The following ASB15 variants were observed in gnomAD, a reference collection of about 807,000 sequenced individuals.
ASB15 encodes ankyrin repeat and SOCS box protein 15.
In ASB15, 54 loss-of-function variants were observed where a neutral mutation model predicts 58.0. The observed-to-expected ratio is 0.93, with a 90% CI of 0.75 to 1.17. The LOEUF is 1.17. Ranked by LOEUF, ASB15 falls within the 50% of genes most tolerant of loss-of-function variation. The probability of loss-of-function intolerance (pLI) is 0.00; values close to 1 mark genes in which losing one functional copy is unlikely to be tolerated. For synonymous variants in ASB15, 249 were observed against 262.4 expected, an observed-to-expected ratio of 0.95 and a Z score of 0.50; for missense variants, 680 against 707.4, an observed-to-expected ratio of 0.96 and a Z score of 0.44.
In ASB15 at chr7:123,614,586, C is replaced by G; in HGVS notation, c.84C>G (p.Ser28Arg). 6.2e-7 allele frequency: 1 copy of G among 1,606,028 alleles called. No homozygotes were observed. The highest frequency in any genetic ancestry group is 8.5e-7 in the Non-Finnish European group (1 of 1,173,150). ...QLSIQESIEA[S>R]KTALCPERFV... is the part of the protein sequence containing the mutation. ...GTATTCAAGAATCCATTGAAGCCAG[C>G]AAGACTGCACTTTGTCCTGAAAGGT... is the stretch of plus-strand genomic sequence containing the variant. The change falls in exon 4 of 12, where the codon AGC becomes AGG. Residue 28 changes from serine (S) to arginine (R), a missense_variant. By Grantham distance (110) the Ser-to-Arg change is moderately radical. Coordinates refer to ENST00000451215, the MANE Select transcript of ASB15 (RefSeq NM_001290258.2).
rs762741345 is a variant in ASB15 at position 123,629,278 on chromosome 7, C to A, written c.1284C>A (p.Asp428Glu). ...GTGTCATTCAATATGCTCTAAACGA[C>A]GAGGTAATGCTGAGGCTATTGCTGA... is the stretch of plus-strand genomic sequence containing the variant. ...FPSVIQYALN[D>E]EVMLRLLLNN... is the part of the protein sequence containing the mutation. The change falls in exon 10 of 12, where the codon GAC becomes GAA. Residue 428 changes from aspartate to glutamate, a missense_variant. Asp to Glu is a conservative substitution (Grantham distance 45). Transcript: ENST00000451215. The A allele has an allele frequency of 6.2e-7, 1 of 1,614,054 alleles. No homozygotes were observed. Among genetic ancestry groups the A allele is most frequent in the Non-Finnish European group, 8.5e-7 (1 of 1,179,986 alleles).
Position 123,617,561 on chromosome 7 carries a change from A to T in ASB15, c.293-18A>T. The T allele has an allele frequency of 6.3e-7, 1 of 1,590,196 alleles. No homozygotes were observed. The highest frequency in any genetic ancestry group is 1.1e-5 in the South Asian group (1 of 89,996). On this transcript the variant is annotated intron_variant, in intron 6 of 11. Coordinates refer to ENST00000451215, the MANE Select transcript of ASB15 (RefSeq NM_001290258.2). ...GTGAGTATTTTCAACTTTTCAACAT[A>T]ATGCTTTCATGTCACAGCATCCTAT...
intron 8 of ASB15, 26 bp from the exon 9 acceptor site, chr7:123,627,084 C>A: frequency 6.2e-7 from 1 of 1,600,860 alleles, no homozygotes; most frequent in South Asian, 1.1e-5. Context: ...ATCCAGTTAT[C>A]ATTATGCCAC....
At position 123,616,514 on chromosome 7, in the gene ASB15, T is replaced by C. The variant is rs1391173240; in HGVS notation, c.292+19T>C. The C allele has an allele frequency of 1.2e-6, 2 of 1,607,420 alleles. No individual in the cohort carries two copies. Among genetic ancestry groups the C allele is most frequent in the African/African-American group, 1.3e-5 (1 of 74,756 alleles). The stretch of plus-strand genomic sequence containing the variant: ...CTGGATGGTAAGAGAACATAAAACA[T>C]GTTTGACCAAGCCAGAGCAAGAATG... On this transcript the variant is annotated intron_variant, in intron 6 of 11. Coordinates refer to ENST00000451215, the MANE Select transcript of ASB15 (RefSeq NM_001290258.2).
upstream of ASB15, among the ~76,000 whole-genome samples, chr7:123,600,601 A>G (rs1799844137): frequency 6.6e-6 from 1 of 152,226 alleles, no homozygotes; most frequent in Non-Finnish European, 1.5e-5. Context: ...ATAATGATAA[A>G]ATGTAGACAA....
At chr7:123,622,123 T>A (rs1433031484) in intron 7 of ASB15, among the ~76,000 whole-genome samples, 5 of 152,208 alleles carry the variant, frequency 3.3e-5, no homozygotes, top group Non-Finnish European at 7.3e-5. Context: ...CTATGCAAAA[T>A]TCTTAATCTA....
At chr7:123,618,726 T>C (rs1471392972) in intron 7 of ASB15, among the ~76,000 whole-genome samples, 1 of 152,122 alleles carries the variant, frequency 6.6e-6, no homozygotes, top group Non-Finnish European at 1.5e-5. Context: ...TCACAGCTCC[T>C]GTTCACAGAG....
chr7:123,594,758 G>A (rs951353547), intron 1 of ASB15, among the ~76,000 whole-genome samples: 3 of 152,192 alleles, frequency 2.0e-5, no homozygotes, highest in African/African-American at 7.2e-5. Flanking sequence ...CACTTAAGGA[G>A]GCAGTCTGTC....
chr7:123,604,917 G>A (rs771393131), intron 2 of ASB15, among the ~76,000 whole-genome samples: 74 of 152,202 alleles, frequency 4.9e-4, no homozygotes, highest in Non-Finnish European at 9.7e-4. Context: ...CTTGTGACAC[G>A]TCAGACACAG....
chr7:123,586,287 G>A (rs374371875), intron 1 of ASB15, among the ~76,000 whole-genome samples: 2 of 151,756 alleles, frequency 1.3e-5, no homozygotes, highest in East Asian at 3.9e-4. Flanking sequence ...GGTGTGAAGT[G>A]CTGTCTCTTT....
intron 1 of ASB15, among the ~76,000 whole-genome samples, chr7:123,596,805 C>T (rs1004585469): frequency 6.6e-6 from 1 of 152,024 alleles, no homozygotes; most frequent in Admixed American, 6.6e-5. Flanking sequence ...TGAAACAAAA[C>T]ACAAATGCAC....
chr7:123,619,648 C>G (rs899918648), intron 7 of ASB15, among the ~76,000 whole-genome samples: 3 of 152,056 alleles, frequency 2.0e-5, no homozygotes, highest in African/African-American at 7.2e-5. Context: ...CTCAGCCTCC[C>G]GAGTAGCTGG....
At chr7:123,568,718 G>A (rs941927225) in intron 1 of ASB15, among the ~76,000 whole-genome samples, 1 of 152,050 alleles carries the variant, frequency 6.6e-6, no homozygotes, top group African/African-American at 2.4e-5. Context: ...AAACTATTTT[G>A]TGGGATTAAA....
rs1802010978 is a variant in ASB15, at chr7:123,629,518, GA to G, written c.1440+89del. 4 of 1,258,826 alleles carry G rather than the reference GA, an allele frequency of 3.2e-6. No individual in the cohort carries two copies. The South Asian group carries it at 6.1e-5, about 19-fold the overall frequency. 78.0% of individuals were successfully genotyped at this position (1,258,826 alleles called of 1,614,324 possible). A position where few individuals can be genotyped will look rare whatever the true frequency, so the allele number is the denominator to read the frequency against. ...TTCAATTAGGGATGTTACAAGAAAA[GA>G]AAAATAAACTCTAATTTTTCTATTT... On this transcript the variant is annotated intron_variant, in intron 10 of 11. Transcript: ENST00000451215.
chr7:123,569,366 A>G (rs1480713770), intron 1 of ASB15, among the ~76,000 whole-genome samples: 1 of 152,216 alleles, frequency 6.6e-6, no homozygotes, highest in Non-Finnish European at 1.5e-5. Flanking sequence ...TGTAAATAGC[A>G]AGGGGAAAAA....
In ASB15 at chr7:123,637,021, T is replaced by A. The variant is rs188507936; in HGVS notation, c.*40T>A. The A allele has an allele frequency of 1.4e-3, 1,918 of 1,344,422 alleles. 54 individuals carry two copies. In the Admixed American group the frequency reaches 0.037, roughly 26 times the overall value. 83.3% of individuals were successfully genotyped at this position (1,344,422 alleles called of 1,614,324 possible). A position where few individuals can be genotyped will look rare whatever the true frequency, so the allele number is the denominator to read the frequency against. ...ATGTGATTTAAAAAAAATGTTGAAA[T>A]GTGATTCCCTCAGATAATTTCTTGT... On this transcript the variant is annotated 3_prime_UTR_variant, in exon 12 of 12. Transcript: ENST00000451215.
At chr7:123,569,993 G>A (rs796452499) in intron 1 of ASB15, among the ~76,000 whole-genome samples, 21 of 147,912 alleles carry the variant, frequency 1.4e-4, no homozygotes, top group African/African-American at 5.2e-4. Context: ...ATAAGTCACT[G>A]TCAACAATAC....
At chr7:123,588,484 T>C (rs917389235) in intron 1 of ASB15, among the ~76,000 whole-genome samples, 2 of 151,644 alleles carry the variant, frequency 1.3e-5, no homozygotes, top group African/African-American at 4.8e-5. Context: ...CTCTTGTTTG[T>C]CTTATCTCTA....
intron 4 of ASB15, among the ~76,000 whole-genome samples, 192 bp from the exon 5 acceptor site, chr7:123,616,029 T>C (rs1391925430): frequency 2.0e-5 from 3 of 152,166 alleles, no homozygotes; most frequent in Non-Finnish European, 4.4e-5. Flanking sequence ...CTTAGATCAA[T>C]GCATCATAAA....
Sources: allele counts gnomAD v4.1 joint callset (sites outside exome capture counted in the v4.1 genomes callset), GRCh38; gene constraint gnomAD v4.1.1; transcripts MANE v1.5; gene names NCBI Gene and HGNC (gene_info 2026-07-23, HGNC 2026-07-21).